The following LRGUK variants were observed in gnomAD, a reference collection of about 807,000 sequenced individuals.
LRGUK encodes the protein leucine rich repeats and guanylate kinase domain containing.
In LRGUK, 65 loss-of-function variants were observed where a neutral mutation model predicts 76.0. That is an observed-to-expected ratio of 0.85 (90% CI 0.70 to 1.05). The LOEUF (loss-of-function observed/expected upper bound fraction) is 1.05, where lower values mean the gene tolerates loss of function less well. Ranked by LOEUF, LRGUK falls within the 50% of genes least tolerant of loss-of-function variation. The pLI is 0.00. For synonymous variants in LRGUK, 268 were observed against 265.6 expected (o/e 1.01, Z -0.09); for missense variants, 758 against 732.8 (o/e 1.03, Z -0.40).
At chr7:134,196,580 G>C (rs566442155) in intron 12 of LRGUK, among the ~76,000 whole-genome samples, 1 of 152,242 alleles carries the variant, frequency 6.6e-6, no homozygotes, top group Non-Finnish European at 1.5e-5. Flanking sequence ...GAAATGGAAG[G>C]CTTTTCTGGG....
At chr7:134,165,577 A>G (rs1798944747) in intron 7 of LRGUK, among the ~76,000 whole-genome samples, 1 of 152,208 alleles carries the variant, frequency 6.6e-6, no homozygotes, top group Non-Finnish European at 1.5e-5. Context: ...TTAATAATGC[A>G]TTTTACTTAA....
At chr7:134,240,418 G>T (rs534078792) in intron 16 of LRGUK, among the ~76,000 whole-genome samples, 11 of 152,300 alleles carry the variant, frequency 7.2e-5, no homozygotes, top group Admixed American at 3.3e-4. Flanking sequence ...ACAAGCTTCA[G>T]TAGCCAATTT....
the LRGUK span, among the ~76,000 whole-genome samples, chr7:134,275,589 T>C: frequency 1.3e-5 from 2 of 152,182 alleles, no homozygotes; most frequent in East Asian, 3.9e-4. Flanking sequence ...CAACTTTAGA[T>C]GTTATTTCTA....
chr7:134,233,787 C>T (rs58546161), intron 16 of LRGUK, among the ~76,000 whole-genome samples: 9 of 152,262 alleles, frequency 5.9e-5, no homozygotes, highest in Admixed American at 5.2e-4. Flanking sequence ...ACGTGAATCT[C>T]GAGAGAAGAC....
At chr7:134,217,884 C>T (rs1053707779) in intron 15 of LRGUK, among the ~76,000 whole-genome samples, 3 of 151,954 alleles carry the variant, frequency 2.0e-5, no homozygotes, top group Admixed American at 2.0e-4. Context: ...TGCATTTAAT[C>T]ATTGTAGGTA....
chr7:134,142,734 T>C (rs954704700), intron 3 of LRGUK, among the ~76,000 whole-genome samples: 2 of 152,222 alleles, frequency 1.3e-5, no homozygotes, highest in African/African-American at 4.8e-5. Context: ...CTGGCAAGTT[T>C]TGTAGCATTT....
exon 7 of LRGUK, chr7:134,163,498 G>A: frequency 6.2e-7 from 1 of 1,613,892 alleles, no homozygotes; most frequent in Non-Finnish European, 8.5e-7. Flanking sequence ...AAGGCTTAGA[G>A]AATCATGACC....
intron 1 of LRGUK, among the ~76,000 whole-genome samples, chr7:134,128,793 G>T (rs1797147040): frequency 6.6e-6 from 1 of 152,078 alleles, no homozygotes; most frequent in African/African-American, 2.4e-5. Flanking sequence ...CTCGCCATCC[G>T]CCCACCTCTG....
At chr7:134,199,920 C>CTA (rs1194768780) in intron 14 of LRGUK, among the ~76,000 whole-genome samples, 13 of 123,358 alleles carry the variant, frequency 1.1e-4, no homozygotes, top group Admixed American at 4.5e-4. Flanking sequence ...ATGAAAATTT[C>CTA]TATATATATA....
At chr7:134,188,216 G>A (rs898882680) in intron 11 of LRGUK, among the ~76,000 whole-genome samples, 3 of 152,154 alleles carry the variant, frequency 2.0e-5, no homozygotes, top group Non-Finnish European at 4.4e-5. Context: ...GTGCTATGAT[G>A]AGGGAGGTAA....
intron 19 of LRGUK, among the ~76,000 whole-genome samples, chr7:134,259,013 G>A (rs752180632): frequency 1.4e-4 from 22 of 152,196 alleles, no homozygotes; most frequent in Non-Finnish European, 1.3e-4. Context: ...CTCTTTGGAA[G>A]AGGCTTTGGT....
intron 12 of LRGUK, among the ~76,000 whole-genome samples, chr7:134,194,281 G>GA (rs1236325623): frequency 1.3e-5 from 2 of 151,914 alleles, no homozygotes; most frequent in Non-Finnish European, 2.9e-5. Context: ...CATCTTTCTA[G>GA]AAAATGTTTT....
intron 1 of LRGUK, among the ~76,000 whole-genome samples, chr7:134,133,490 G>C (rs1010839444): frequency 9.2e-5 from 14 of 152,088 alleles, no homozygotes; most frequent in Admixed American, 9.2e-4. Context: ...ATTTGCTTGC[G>C]TACTTGTCTG....
chr7:134,191,257 C>T (rs994962737), intron 11 of LRGUK, among the ~76,000 whole-genome samples: 61 of 152,194 alleles, frequency 4.0e-4, no homozygotes, highest in African/African-American at 1.5e-3. Context: ...TTCTGAGAAA[C>T]AAGTAGGCCA....
At chr7:134,148,367 A>G (rs1030464316) in intron 5 of LRGUK, 48 bp downstream of exon 5, 5 of 1,080,870 alleles carry the variant, frequency 4.6e-6, no homozygotes, top group Non-Finnish European at 6.9e-6. Context: ...CAATATAAAA[A>G]TTAAAGACTA....
At chr7:134,244,706 A>G (rs1204901210) in intron 16 of LRGUK, among the ~76,000 whole-genome samples, 2 of 152,330 alleles carry the variant, frequency 1.3e-5, no homozygotes, top group African/African-American at 4.8e-5. Context: ...ATTACTGGGC[A>G]TATACCCAAA....
At chr7:134,164,100 AT>A (rs1379406516) in intron 7 of LRGUK, among the ~76,000 whole-genome samples, 3 of 152,184 alleles carry the variant, frequency 2.0e-5, no homozygotes, top group Non-Finnish European at 2.9e-5. Flanking sequence ...GATTTTAAAC[AT>A]TTTTACCGCA....
At chr7:134,144,554 CATTTTA>C in intron 4 of LRGUK, among the ~76,000 whole-genome samples, 1 of 152,172 alleles carries the variant, frequency 6.6e-6, no homozygotes, top group Non-Finnish European at 1.5e-5. Context: ...ATTAAAAAGT[CATTTTA>C]AGGAATGGAC....
At chr7:134,237,571 G>T (rs1271999536) in intron 16 of LRGUK, among the ~76,000 whole-genome samples, 1 of 152,068 alleles carries the variant, frequency 6.6e-6, no homozygotes, top group Non-Finnish European at 1.5e-5. Context: ...ATGACCTGTG[G>T]AGTCTTTCAT....
Sources: gnomAD v4.1 joint callset for allele counts (sites outside exome capture counted in the v4.1 genomes callset) on GRCh38, gnomAD v4.1.1 for gene constraint, MANE v1.5 for transcripts, NCBI Gene and HGNC (gene_info 2026-07-23, HGNC 2026-07-21) for gene names.